Variants in ANAPC2 observed in about 807,000 individuals in gnomAD.
ANAPC2 encodes anaphase promoting complex subunit 2, also known as anaphase-promoting complex subunit 2.
A neutral mutation model predicts 84.3 loss-of-function variants in ANAPC2; 29 were observed. The observed-to-expected ratio is 0.34, with a 90% CI of 0.26 to 0.47. ANAPC2 has a LOEUF of 0.47. Ranked by LOEUF, ANAPC2 falls within the 20% of genes least tolerant of loss-of-function variation. ANAPC2 has a pLI of 1.00. For synonymous variants in ANAPC2, 571 were observed against 479.4 expected (o/e 1.19, Z -2.50); for missense variants, 857 against 1,131.7 (o/e 0.76, Z 3.48).
chr9:137,181,645 C>T (rs957219907), intron 7 of ANAPC2, 36 bp downstream of exon 7: 6 of 1,546,006 alleles, frequency 3.9e-6, no homozygotes, highest in Non-Finnish European at 5.3e-6. Context: ...AAGCGCCCCC[C>T]ACACTGGTGA....
At chr9:137,184,864 GAAGACT>G in intron 4 of ANAPC2, 43 bp downstream of exon 4, 1 of 1,596,952 alleles carries the variant, frequency 6.3e-7, no homozygotes, top group South Asian at 1.1e-5. Flanking sequence ...AAGGCCCTGG[GAAGACT>G]CCCCAGACGG....
intron 3 of ANAPC2, among the ~76,000 whole-genome samples, chr9:137,185,958 G>A (rs1386240917): frequency 6.6e-6 from 1 of 152,220 alleles, no homozygotes; most frequent in Non-Finnish European, 1.5e-5. Flanking sequence ...CCTGCCTGAG[G>A]TAGCCCCCTC....
At position 137,188,068 on chromosome 9, in the gene ANAPC2, C is replaced by T. The variant is rs1435315788; in HGVS notation, c.153G>A (p.Lys51=). 1.2e-6 allele frequency: 2 copies of T among 1,613,240 alleles called. No homozygotes were observed. Among genetic ancestry groups the T allele is most frequent in the Non-Finnish European group, 1.7e-6 (2 of 1,180,004 alleles). Residue 51 remains lysine, a synonymous_variant, in exon 2 of 13, where the codon AAG becomes AAA. Transcript: ENST00000323927. Reference sequence around the variant, plus strand: ...CCACCGCCGCCCGGAGCTCCTCTTCCTTTGGCGGGACTGCACCGCTGGTCC... The same window carrying T: ...CCACCGCCGCCCGGAGCTCCTCTTCTTTTGGCGGGACTGCACCGCTGGTCC... The part of the protein sequence containing the change: ...SSRTSGAVPP[K]EEELRAAVEV...
At chr9:137,179,081 G>A (rs1564375685) in intron 10 of ANAPC2, among the ~76,000 whole-genome samples, 1 of 152,280 alleles carries the variant, frequency 6.6e-6, no homozygotes, top group Admixed American at 6.5e-5. Context: ...CCGCCCGCCC[G>A]CCGGCCTCCT....
chr9:137,186,656 G>T lies in ANAPC2; in HGVS notation c.741-300C>A, dbSNP rs1485174961. The T allele has an allele frequency of 7.0e-6, 3 of 427,682 alleles. No homozygotes were observed. In the Admixed American group the frequency reaches 1.1e-4, roughly 16 times the overall value. 26.5% of individuals were successfully genotyped at this position (427,682 alleles called of 1,614,324 possible). ...AGTGGCAGCAGGTGTGGCTGTCGGG[G>T]GCCCTAGCCTTATCTCCTAGGATCA... On this transcript the variant is annotated intron_variant, in intron 2 of 12. Coordinates refer to ENST00000323927, the MANE Select transcript of ANAPC2 (RefSeq NM_013366.4).
At chr9:137,176,738 CGGA>C (rs2131329834) in intron 10 of ANAPC2, 1 of 152,380 alleles carries the variant, frequency 6.6e-6, no homozygotes, top group African/African-American at 2.4e-5. Flanking sequence ...TACTGGGAAC[CGGA>C]GGAGGCAGCA....
Position 137,188,040 on chromosome 9 carries a change from C to A in ANAPC2, c.181G>T (p.Val61Phe). ...KEEELRAAVE[V>F]LRGHGLHSVL... The stretch of plus-strand genomic sequence containing the variant: ...GAGTGTAGCCCGTGGCCCCTCAGAA[C>A]CTCCACCGCCGCCCGGAGCTCCTCT... Residue 61 changes from valine to phenylalanine, a missense_variant, in exon 2 of 13, where the codon GTT becomes TTT. This residue lies in a region of ANAPC2 where 428 missense variants were observed against 513.8 expected (regional missense o/e 0.83). Coordinates refer to ENST00000323927, the MANE Select transcript of ANAPC2 (RefSeq NM_013366.4). The A allele has an allele frequency of 2.5e-6, 4 of 1,613,712 alleles. No individual in the cohort carries two copies. Among genetic ancestry groups the A allele is most frequent in the Non-Finnish European group, 3.4e-6 (4 of 1,180,020 alleles).
chr9:137,175,960 G>A lies in ANAPC2; in HGVS notation c.1891-123C>T, dbSNP rs1036742103. On this transcript the variant is annotated intron_variant, in intron 10 of 12. Coordinates refer to ENST00000323927, the MANE Select transcript of ANAPC2 (RefSeq NM_013366.4). ...CCACCTGCCCCACCCCACCCTGGCAGGCAGGTGAGCAGCGAGAGCACAGGA... is the reference window on the plus strand; with the variant it reads ...CCACCTGCCCCACCCCACCCTGGCAAGCAGGTGAGCAGCGAGAGCACAGGA... 3.9e-6 allele frequency: 5 copies of A among 1,296,100 alleles called. No individual in the cohort carries two copies. In the Admixed American group the frequency reaches 7.8e-5, roughly 20 times the overall value. The allele number at this position is 1,296,100 out of a possible 1,614,324, so 80.3% of individuals were successfully genotyped here. A position where few individuals can be genotyped will look rare whatever the true frequency, so the allele number is the denominator to read the frequency against.
intron 5 of ANAPC2, 29 bp from the exon 6 acceptor site, chr9:137,183,271 T>G (rs1352546927): frequency 6.3e-7 from 1 of 1,582,720 alleles, no homozygotes; most frequent in Admixed American, 1.7e-5. Context: ...CCAGCAGTCA[T>G]GCAGTGCCCG....
chr9:137,183,192 G>T lies in ANAPC2; in HGVS notation c.1219C>A (p.Leu407Met). 2.5e-6 allele frequency: 4 copies of T among 1,613,304 alleles called. No individual in the cohort carries two copies. Among genetic ancestry groups the T allele is most frequent in the Non-Finnish European group, 3.4e-6 (4 of 1,179,962 alleles). ...ACCATGGAAGGGTCCAGCACGCGCA[G>T]CGCCTTGATGGCAGAGATATAGAGG... The part of the protein sequence containing the change: ...ITLYISAIKA[L>M]RVLDPSMVIL... The change falls in exon 6 of 13, where the codon CTG (leucine) becomes ATG (methionine). Residue 407 changes from leucine to methionine, a missense_variant. Leu to Met is a conservative substitution (Grantham distance 15). Around this residue, in one of 3 missense-constraint regions of ANAPC2, gnomAD observed 425 missense variants for 595.5 expected, o/e 0.71. Coordinates refer to ENST00000323927, the MANE Select transcript of ANAPC2 (RefSeq NM_013366.4).
At chr9:137,185,667 G>A (rs1336441519) in intron 3 of ANAPC2, among the ~76,000 whole-genome samples, 2 of 152,198 alleles carry the variant, frequency 1.3e-5, no homozygotes, top group African/African-American at 2.4e-5. Context: ...GAAACACTGA[G>A]GAAAGGACAG....
At position 137,181,681 on chromosome 9, in the gene ANAPC2, C is replaced by T. The variant is rs762711070; in HGVS notation, c.1468G>A (p.Gly490Arg). The T allele has an allele frequency of 1.3e-6, 2 of 1,595,170 alleles. No individual in the cohort carries two copies. Among genetic ancestry groups the T allele is most frequent in the Non-Finnish European group, 1.7e-6 (2 of 1,168,846 alleles). The change falls in exon 7 of 13, where the codon GGG becomes AGG. Residue 490 changes from glycine to arginine, a missense_variant and splice_region_variant. Around this residue, in one of 3 missense-constraint regions of ANAPC2, gnomAD observed 425 missense variants for 595.5 expected, o/e 0.71. Transcript: ENST00000323927. ...AAGGGACCATGTGGGGCAAGCTAAC[C>T]TGGATCGGCATCCACAGGGTCCGGG... ...WVPDPVDADP[G>R]KSSSKRRSSD...
At position 137,175,490 on chromosome 9, in the gene ANAPC2, G is replaced by T; in HGVS notation, c.2021-18C>A. 6.5e-7 allele frequency: 1 copy of T among 1,537,996 alleles called. No homozygotes were observed. Among genetic ancestry groups the T allele is most frequent in the Admixed American group, 1.9e-5 (1 of 51,292 alleles). On this transcript the variant is annotated intron_variant, in intron 11 of 12. Coordinates refer to ENST00000323927, the MANE Select transcript of ANAPC2 (RefSeq NM_013366.4). ...CCAGCTGGCTGCGTGCAGAGTCACC[G>T]GGACGCTGGGCAGCCTGGGCACGGG...
Position 137,187,696 on chromosome 9 carries a change from A to G in ANAPC2, c.525T>C (p.Arg175=), listed in dbSNP as rs1325011101. The part of the protein sequence containing the change: ...TPRTFQEMIQ[R]LYGCFLRVYM... ...AGACTCTCAAGAAGCACCCATACAG[A>G]CGCTGGATCATCTCTTGGAAGGTTC... Residue 175 remains arginine, a synonymous_variant, in exon 2 of 13, where the codon CGT becomes CGC. Transcript: ENST00000323927. 1.2e-6 allele frequency: 2 copies of G among 1,613,940 alleles called. No homozygotes were observed. Among genetic ancestry groups the G allele is most frequent in the Non-Finnish European group, 1.7e-6 (2 of 1,180,004 alleles).
Position 137,180,944 on chromosome 9 carries a change from G to T in ANAPC2, c.1469-15C>A. Reference sequence around the variant, plus strand: ...GCTCGACTTCCCTGGCATGGTGGGGGCAGGGGTGTCACCTGACAGGCACCT... The same window carrying T: ...GCTCGACTTCCCTGGCATGGTGGGGTCAGGGGTGTCACCTGACAGGCACCT... On this transcript the variant is annotated splice_polypyrimidine_tract_variant and intron_variant, in intron 7 of 12. Transcript: ENST00000323927. 2 of 1,611,206 alleles carry T rather than the reference G, an allele frequency of 1.2e-6. No homozygotes were observed.
Position 137,181,814 on chromosome 9 carries a change from G to A in ANAPC2, c.1335C>T (p.Asp445=), listed in dbSNP as rs1834349518. ...VRQIVAGLTG[D]SDGTGDLAVE... ...CAGCCAGGTCCCCTGTCCCGTCCGA[G>A]TCCCCCGTCAGCCCAGCCACAATCT... Residue 445 remains aspartate, a synonymous_variant, in exon 7 of 13, where the codon GAC becomes GAT. Transcript: ENST00000323927. 5 of 1,608,664 alleles carry A rather than the reference G, an allele frequency of 3.1e-6. No individual in the cohort carries two copies. The Admixed American group carries it at 5.0e-5, about 16-fold the overall frequency.
rs373543166 is a variant in ANAPC2, at chr9:137,180,537, C to T, written c.1611-10G>A. On this transcript the variant is annotated splice_polypyrimidine_tract_variant and intron_variant, in intron 8 of 12. Transcript: ENST00000323927. ...CACGTTGCGGATCTCCCTGGAAAGA[C>T]GAGTGTCTGGGCAGGGGGTCGTGAT... 59 of 1,612,946 alleles carry T rather than the reference C, an allele frequency of 3.7e-5. No homozygotes were observed. The Middle Eastern group carries it at 5.0e-4, about 14-fold the overall frequency.
intron 3 of ANAPC2, among the ~76,000 whole-genome samples, chr9:137,185,489 C>T (rs1000219495): frequency 1.3e-5 from 2 of 152,044 alleles, no homozygotes; most frequent in African/African-American, 4.8e-5. Flanking sequence ...AATTCCGCCG[C>T]GGGGCCCAGG....
Position 137,186,288 on chromosome 9 carries a change from C to T in ANAPC2, c.809G>A (p.Arg270Gln), listed in dbSNP as rs146337536. 7.2e-5 allele frequency: 116 copies of T among 1,612,212 alleles called. 1 individual carries two copies. Among genetic ancestry groups the T allele is most frequent in the Middle Eastern group, 5.3e-4 (3 of 5,656 alleles). ...AVTTTLHQVT[R>Q]ERMEDRCRGE... Reference sequence around the variant, plus strand: ...CCGGCAACGGTCCTCCATCCTCTCCCGGGTCACCTGGTGCAGGGTGGTGGT... The same window carrying T: ...CCGGCAACGGTCCTCCATCCTCTCCTGGGTCACCTGGTGCAGGGTGGTGGT... Residue 270 changes from arginine to glutamine, a missense_variant, in exon 3 of 13, where the codon CGG becomes CAG. Around this residue, in one of 3 missense-constraint regions of ANAPC2, gnomAD observed 428 missense variants for 513.8 expected, o/e 0.83. Transcript: ENST00000323927.
Sources: gnomAD v4.1 joint callset for allele counts (sites outside exome capture counted in the v4.1 genomes callset) on GRCh38, gnomAD v4.1.1 for gene constraint, gnomAD v4.1.1 regional missense constraint, MANE v1.5 for transcripts, NCBI Gene and HGNC (gene_info 2026-07-23, HGNC 2026-07-21) for gene names.